INPP4B: variants seen among roughly 807,000 people sequenced by gnomAD.
The protein encoded by INPP4B is inositol polyphosphate 4-phosphatase type II.
INPP4B carries 55 observed loss-of-function variants against 122.5 expected under a neutral mutation model. The observed-to-expected ratio is 0.45, with a 90% CI of 0.36 to 0.56. The LOEUF is 0.56. Ranked by LOEUF, INPP4B falls within the 20% of genes least tolerant of loss-of-function variation. INPP4B has a pLI of 0.00. For missense variants in INPP4B, 1,000 were observed against 1,097.7 expected, an observed-to-expected ratio of 0.91 and a Z score of 1.26; for synonymous variants, 403 against 388.7, an observed-to-expected ratio of 1.04 and a Z score of -0.43.
In INPP4B at chr4:142,581,355, C is replaced by T. The variant is rs190973886; in HGVS notation, c.-190-118629G>A. The stretch of plus-strand genomic sequence containing the variant: ...CAGCTTCCCAAGTCCTATTGGAAAC[C>T]AAGGGCAAGCAAACAAACTACCCAA... On this transcript the variant is annotated intron_variant, in intron 2 of 25. Transcript: ENST00000262992. 1.1e-3 allele frequency among the ~76,000 whole-genome samples: 170 copies of T among 151,984 alleles called. No homozygotes were observed. In the Middle Eastern group the frequency reaches 0.017, roughly 15 times the overall value.
At chr4:142,254,360 CTT>C (rs1306577556) in intron 11 of INPP4B, among the ~76,000 whole-genome samples, 1 of 124,038 alleles carries the variant, frequency 8.1e-6, no homozygotes, top group Non-Finnish European at 1.8e-5. Context: ...TGGAGAATGA[CTT>C]TCACGAGCTG....
intron 2 of INPP4B, among the ~76,000 whole-genome samples, chr4:142,695,845 G>A (rs1760944088): frequency 6.6e-6 from 1 of 152,098 alleles, no homozygotes; most frequent in African/African-American, 2.4e-5. Flanking sequence ...ATACTTATTT[G>A]GCATATTTTA....
chr4:142,515,554 G>A (rs4975308), intron 2 of INPP4B, among the ~76,000 whole-genome samples: 46,294 of 151,868 alleles, frequency 0.3, 8,090 homozygotes, highest in African/African-American at 0.44. Flanking sequence ...GCACCCAAGG[G>A]TGTAAGGGAA....
chr4:142,566,405 A>T lies in INPP4B; in HGVS notation c.-190-103679T>A, dbSNP rs189088508. On this transcript the variant is annotated intron_variant, in intron 2 of 25. Coordinates refer to ENST00000262992, the MANE Select transcript of INPP4B (RefSeq NM_001101669.3). Reference sequence around the variant, plus strand: ...TGTGAAGGAGATGTAAAAGGAGGGGAAAAAAGAGTCTTATTTACTAAACAG... The same window carrying T: ...TGTGAAGGAGATGTAAAAGGAGGGGTAAAAAGAGTCTTATTTACTAAACAG... Among the ~76,000 whole-genome samples, 47 of 152,236 alleles carry T rather than the reference A, an allele frequency of 3.1e-4. 1 individual carries two copies. In the East Asian group the frequency reaches 6.6e-3, roughly 21 times the overall value.
intron 2 of INPP4B, among the ~76,000 whole-genome samples, chr4:142,492,512 C>T (rs1416816227): frequency 3.3e-5 from 5 of 151,992 alleles, no homozygotes; most frequent in African/African-American, 4.8e-5. Flanking sequence ...GACCAAAATG[C>T]GAATAGTGAT....
intron 1 of INPP4B, among the ~76,000 whole-genome samples, chr4:142,740,746 G>A (rs942905982): frequency 7.2e-5 from 11 of 152,024 alleles, no homozygotes; most frequent in Non-Finnish European, 1.5e-4. Context: ...GACATTTCTG[G>A]CTTGGAGTAG....
chr4:142,178,328 T>C (rs1829266248), intron 15 of INPP4B, among the ~76,000 whole-genome samples: 2 of 152,246 alleles, frequency 1.3e-5, no homozygotes, highest in Admixed American at 1.3e-4. Flanking sequence ...AGGATTATTG[T>C]AATAGCTCAC....
intron 1 of INPP4B, among the ~76,000 whole-genome samples, chr4:142,754,142 T>A (rs964169877): frequency 2.6e-5 from 4 of 152,094 alleles, no homozygotes; most frequent in African/African-American, 9.7e-5. Context: ...TCTGGAATGA[T>A]GAGTGTGAAT....
intron 16 of INPP4B, 41 bp downstream of exon 16, chr4:142,173,591 G>A (rs1006991435): frequency 2.0e-6 from 3 of 1,527,230 alleles, no homozygotes; most frequent in African/African-American, 1.4e-5. Flanking sequence ...GGGAATTTGA[G>A]TATTTCATTT....
intron 2 of INPP4B, among the ~76,000 whole-genome samples, chr4:142,656,570 GA>G (rs1386425864): frequency 3.3e-5 from 5 of 152,084 alleles, no homozygotes; most frequent in Non-Finnish European, 5.9e-5. Flanking sequence ...ATGGCCTAAG[GA>G]TCCCGCACAG....
At chr4:142,540,803 C>T (rs1192065743) in intron 2 of INPP4B, among the ~76,000 whole-genome samples, 1 of 152,106 alleles carries the variant, frequency 6.6e-6, no homozygotes, top group African/African-American at 2.4e-5. Context: ...CATAAACACA[C>T]ACACACTATT....
chr4:142,042,832 A>C (rs1466210145), intron 25 of INPP4B, among the ~76,000 whole-genome samples: 1 of 152,116 alleles, frequency 6.6e-6, no homozygotes, highest in Non-Finnish European at 1.5e-5. Flanking sequence ...AAGTGCTGGG[A>C]TTACAGGCAT....
intron 2 of INPP4B, among the ~76,000 whole-genome samples, chr4:142,663,509 C>T (rs1755548251): frequency 6.6e-6 from 1 of 151,966 alleles, no homozygotes; most frequent in African/African-American, 2.4e-5. Flanking sequence ...TCTTTAAGAA[C>T]TGTCTAAGTT....
Position 142,176,988 on chromosome 4 carries a change from C to G in INPP4B, c.1182-3179G>C, listed in dbSNP as rs192047180. Among the ~76,000 whole-genome samples the G allele has an allele frequency of 5.9e-5, 9 of 152,224 alleles. No individual in the cohort carries two copies. In the East Asian group the frequency reaches 1.7e-3, roughly 29 times the overall value. ...CATTACCAGTGTTTGCTCTCCTAAC[C>G]TTTTTCATCATGATTTCATCTTTTC... On this transcript the variant is annotated intron_variant, in intron 15 of 25. Coordinates refer to ENST00000262992, the MANE Select transcript of INPP4B (RefSeq NM_001101669.3).
chr4:142,504,401 GAGTGTGA>G (rs1231141249), intron 2 of INPP4B, among the ~76,000 whole-genome samples: 1 of 152,098 alleles, frequency 6.6e-6, no homozygotes, highest in Non-Finnish European at 1.5e-5. Flanking sequence ...ACACTTCCAG[GAGTGTGA>G]AGTGTGAAGA....
intron 2 of INPP4B, among the ~76,000 whole-genome samples, chr4:142,559,497 T>C (rs1465971790): frequency 6.6e-6 from 1 of 152,174 alleles, no homozygotes; most frequent in East Asian, 1.9e-4. Flanking sequence ...TTTTTACATG[T>C]AATAGCATAT....
At chr4:142,482,395 T>C (rs1304438591) in intron 2 of INPP4B, among the ~76,000 whole-genome samples, 2 of 152,150 alleles carry the variant, frequency 1.3e-5, no homozygotes, top group African/African-American at 4.8e-5. Flanking sequence ...TATCATATTA[T>C]CCAATTAAGC....
intron 2 of INPP4B, among the ~76,000 whole-genome samples, chr4:142,565,005 AAC>A (rs1490464366): frequency 6.6e-6 from 1 of 152,142 alleles, no homozygotes; most frequent in Admixed American, 6.6e-5. Context: ...ATCCAATCCA[AAC>A]ACACACTTCG....
chr4:142,557,487 AG>A (rs1478591192), intron 2 of INPP4B, among the ~76,000 whole-genome samples: 1 of 151,144 alleles, frequency 6.6e-6, no homozygotes, highest in Non-Finnish European at 1.5e-5. Flanking sequence ...GAAGAAACTG[AG>A]GCCAGAGAGG....
Sources: allele counts gnomAD v4.1 joint callset (sites outside exome capture counted in the v4.1 genomes callset), GRCh38; gene constraint gnomAD v4.1.1; transcripts MANE v1.5; gene names NCBI Gene and HGNC (gene_info 2026-07-23, HGNC 2026-07-21).